The following SLAIN1 variants were observed in gnomAD, a reference collection of about 807,000 sequenced individuals.
SLAIN1 encodes the protein SLAIN family member 1.
Under a neutral mutation model 55.4 loss-of-function variants are expected in SLAIN1, and 17 were observed. That is an observed-to-expected ratio of 0.31 (90% CI 0.21 to 0.46). The LOEUF (loss-of-function observed/expected upper bound fraction) is 0.46. SLAIN1 is among the 20% of genes least tolerant of loss of function. The probability of loss-of-function intolerance (pLI) is 1.00; values close to 1 mark genes in which losing one functional copy is unlikely to be tolerated. For synonymous variants in SLAIN1, 348 were observed against 337.4 expected, an observed-to-expected ratio of 1.03 and a Z score of -0.35; for missense variants, 682 against 785.1, an observed-to-expected ratio of 0.87 and a Z score of 1.57.
chr13:77,699,168 G>A (rs1388862435), intron 1 of SLAIN1: 1 of 1,037,022 alleles, frequency 9.6e-7, no homozygotes, highest in South Asian at 1.6e-5. Flanking sequence ...TGACCTCACT[G>A]GCTTTCCCAT....
At chr13:77,719,796 A>G (rs552963591) in intron 2 of SLAIN1, 125 bp downstream of exon 2, 1 of 1,014,152 alleles carries the variant, frequency 9.9e-7, no homozygotes, top group East Asian at 2.4e-5. Context: ...TGTTGCATGC[A>G]ATTTGCTTCA....
intron 4 of SLAIN1, among the ~76,000 whole-genome samples, chr13:77,750,676 G>A (rs1345109277): frequency 1.3e-5 from 2 of 152,148 alleles, no homozygotes; most frequent in African/African-American, 4.8e-5. Flanking sequence ...AGAAGATAAT[G>A]AGGAAAATTG....
At chr13:77,755,883 C>A (rs1319745937) in intron 5 of SLAIN1, among the ~76,000 whole-genome samples, 3 of 152,084 alleles carry the variant, frequency 2.0e-5, no homozygotes, top group African/African-American at 7.2e-5. Context: ...CATTTACTTT[C>A]ATTTCTGAGC....
intron 2 of SLAIN1, among the ~76,000 whole-genome samples, chr13:77,722,234 A>G (rs1333225570): frequency 2.0e-5 from 3 of 152,128 alleles, no homozygotes; most frequent in East Asian, 1.9e-4. Context: ...CTTAATTTGT[A>G]TATAAACTCA....
chr13:77,704,272 T>C (rs370727590), intron 1 of SLAIN1, among the ~76,000 whole-genome samples: 2 of 127,786 alleles, frequency 1.6e-5, no homozygotes, highest in Middle Eastern at 0.012. Context: ...TGTATATATA[T>C]AGAAAATATA....
At chr13:77,734,077 C>T (rs1873002187) in intron 2 of SLAIN1, among the ~76,000 whole-genome samples, 2 of 152,164 alleles carry the variant, frequency 1.3e-5, no homozygotes, top group African/African-American at 4.8e-5. Context: ...AACATTTGAG[C>T]ACATCTGTGT....
intron 1 of SLAIN1, among the ~76,000 whole-genome samples, chr13:77,703,370 G>A (rs902437561): frequency 2.6e-5 from 4 of 152,072 alleles, no homozygotes; most frequent in African/African-American, 9.7e-5. Flanking sequence ...CTATACATAT[G>A]GCACAACTAA....
At chr13:77,719,725 GC>G in intron 2 of SLAIN1, 54 bp downstream of exon 2, 2 of 1,573,312 alleles carry the variant, frequency 1.3e-6, no homozygotes, top group East Asian at 4.5e-5. Flanking sequence ...TCTCAGTGCT[GC>G]TTTTGTTGCT....
chr13:77,731,776 C>T (rs925994114), intron 2 of SLAIN1, among the ~76,000 whole-genome samples: 2 of 151,964 alleles, frequency 1.3e-5, no homozygotes, highest in African/African-American at 2.4e-5. Context: ...GAGATGGATA[C>T]GGAGAAGGTG....
chr13:77,720,567 C>G (rs2091252423), intron 2 of SLAIN1, among the ~76,000 whole-genome samples: 1 of 152,194 alleles, frequency 6.6e-6, no homozygotes, highest in Non-Finnish European at 1.5e-5. Context: ...ATAGATAATG[C>G]TTCAAGAGCT....
chr13:77,744,004 AAATAT>A (rs1389118202), intron 2 of SLAIN1, among the ~76,000 whole-genome samples: 3 of 152,060 alleles, frequency 2.0e-5, no homozygotes, highest in Admixed American at 6.6e-5. Context: ...TTGTGATAAA[AAATAT>A]AATGTGAAAT....
chr13:77,740,099 G>A (rs1873341395), intron 2 of SLAIN1, among the ~76,000 whole-genome samples: 1 of 152,036 alleles, frequency 6.6e-6, no homozygotes. Context: ...CTGTAGAGGT[G>A]GGCATGAGAT....
At chr13:77,718,274 A>G (rs922310164) in intron 1 of SLAIN1, among the ~76,000 whole-genome samples, 7 of 152,146 alleles carry the variant, frequency 4.6e-5, no homozygotes, top group African/African-American at 1.7e-4. Flanking sequence ...AATACAAAGA[A>G]TGTGAAAACT....
chr13:77,745,367 TAC>T (rs973996743), intron 3 of SLAIN1, among the ~76,000 whole-genome samples: 1 of 152,090 alleles, frequency 6.6e-6, no homozygotes, highest in African/African-American at 2.4e-5. Context: ...GGGCAAAGTG[TAC>T]AGTTTTGTTT....
intron 1 of SLAIN1, among the ~76,000 whole-genome samples, chr13:77,713,446 A>C (rs1434167639): frequency 6.6e-6 from 1 of 152,230 alleles, no homozygotes; most frequent in Non-Finnish European, 1.5e-5. Context: ...GTCATTAGAG[A>C]AATGTAAATC....
At chr13:77,762,092 A>G (rs866738232) in intron 6 of SLAIN1, among the ~76,000 whole-genome samples, 1 of 152,258 alleles carries the variant, frequency 6.6e-6, no homozygotes, top group East Asian at 1.9e-4. Flanking sequence ...AACAGAAACT[A>G]TTGAAAAATA....
chr13:77,699,554 C>T (rs2091010759), intron 1 of SLAIN1, among the ~76,000 whole-genome samples: 1 of 152,134 alleles, frequency 6.6e-6, no homozygotes, highest in Admixed American at 6.5e-5. Flanking sequence ...GTCTCTGTTG[C>T]ATGATTGCAT....
chr13:77,722,895 C>T (rs1211948455), intron 2 of SLAIN1, among the ~76,000 whole-genome samples: 4 of 152,014 alleles, frequency 2.6e-5, no homozygotes, highest in East Asian at 1.9e-4. Flanking sequence ...TACAGGTACA[C>T]GCAACCACGC....
Position 77,741,491 on chromosome 13 carries a change from C to G in SLAIN1, c.767-2792C>G, listed in dbSNP as rs921031495. 4 of 930,832 alleles carry G rather than the reference C, an allele frequency of 4.3e-6. No homozygotes were observed. The African/African-American group carries it at 7.1e-5, about 17-fold the overall frequency. The allele number at this position is 930,832 out of a possible 1,614,324, so 57.7% of individuals were successfully genotyped here. A position where few individuals can be genotyped will look rare whatever the true frequency, so the allele number is the denominator to read the frequency against. On this transcript the variant is annotated intron_variant, in intron 2 of 6. Transcript: ENST00000418532. Reference sequence around the variant, plus strand: ...ATATACGACTGGTGTCAATTGGCAACCAGGCTTCACAGTTTCATGAAATGT... The same window carrying G: ...ATATACGACTGGTGTCAATTGGCAAGCAGGCTTCACAGTTTCATGAAATGT...
Sources: gnomAD v4.1 joint callset for allele counts (sites outside exome capture counted in the v4.1 genomes callset) on GRCh38, gnomAD v4.1.1 for gene constraint, MANE v1.5 for transcripts, NCBI Gene and HGNC (gene_info 2026-07-23, HGNC 2026-07-21) for gene names.